Variants in ERG observed in about 807,000 individuals in gnomAD.
The protein encoded by ERG is ETS transcription factor ERG.
In ERG, 9 loss-of-function variants were observed where a neutral mutation model predicts 55.3. The ratio of observed to expected loss-of-function variants is 0.16; its 90% CI spans 0.10 to 0.28. The LOEUF (loss-of-function observed/expected upper bound fraction) is 0.28. Among genes scored for constraint, ERG ranks in the 10% least tolerant of loss-of-function variants. The probability of loss-of-function intolerance (pLI) is 1.00; values close to 1 mark genes in which losing one functional copy is unlikely to be tolerated. For synonymous variants in ERG, 223 were observed against 237.3 expected (o/e 0.94, Z 0.55); for missense variants, 434 against 631.6 (o/e 0.69, Z 3.35).
intron 2 of ERG, among the ~76,000 whole-genome samples, chr21:38,424,669 G>A (rs909625295): frequency 2.6e-5 from 4 of 152,198 alleles, no homozygotes; most frequent in Non-Finnish European, 4.4e-5. Flanking sequence ...CTGGAACGAC[G>A]TTCCTTCTCA....
intron 2 of ERG, among the ~76,000 whole-genome samples, chr21:38,566,376 C>T (rs919409491): frequency 1.3e-5 from 2 of 152,166 alleles, no homozygotes; most frequent in African/African-American, 2.4e-5. Context: ...AGTCCTACAA[C>T]GAGGATAATG....
intron 1 of ERG, among the ~76,000 whole-genome samples, chr21:38,622,561 C>T (rs567189546): frequency 5.4e-5 from 8 of 148,178 alleles, no homozygotes; most frequent in East Asian, 4.1e-4. Flanking sequence ...ATACACACCA[C>T]GCACACATGC....
chr21:38,454,771 C>T (rs1466943741), intron 1 of ERG, among the ~76,000 whole-genome samples: 1 of 152,216 alleles, frequency 6.6e-6, no homozygotes, highest in Non-Finnish European at 1.5e-5. Flanking sequence ...ATCACAGTCT[C>T]TTGTGTGCAA....
At chr21:38,495,992 T>C (rs1480234984) in intron 1 of ERG, among the ~76,000 whole-genome samples, 1 of 152,206 alleles carries the variant, frequency 6.6e-6, no homozygotes, top group Non-Finnish European at 1.5e-5. Flanking sequence ...TTACTAGAAC[T>C]CTTAAGCTGA....
chr21:38,381,996 A>G lies in ERG; in HGVS notation c.*1407T>C, dbSNP rs1278516614. 13 of 1,060,034 alleles carry G rather than the reference A, an allele frequency of 1.2e-5. No individual in the cohort carries two copies. Among genetic ancestry groups the G allele is most frequent in the Non-Finnish European group, 1.5e-5 (13 of 875,692 alleles). The allele number at this position is 1,060,034 out of a possible 1,614,324, so 65.7% of individuals were successfully genotyped here. ...TTTTCATTAAGCAACTTTAGTCACTAAAAAAAGTGCAAATGCAGACTCCTG... is the reference window on the plus strand; with the variant it reads ...TTTTCATTAAGCAACTTTAGTCACTGAAAAAAGTGCAAATGCAGACTCCTG... On this transcript the variant is annotated 3_prime_UTR_variant, in exon 10 of 10. Transcript: ENST00000288319.
intron 8 of ERG, 45 bp downstream of exon 8, chr21:38,391,614 C>T (rs16996241): frequency 3.0e-5 from 45 of 1,477,370 alleles, no homozygotes; most frequent in Non-Finnish European, 3.9e-5. Flanking sequence ...TGCTGCTGAG[C>T]CTGAATCTTC....
chr21:38,570,163 G>A (rs62217462), intron 2 of ERG, among the ~76,000 whole-genome samples: 23,507 of 152,136 alleles, frequency 0.15, 2,067 homozygotes, highest in Admixed American at 0.23. Context: ...TCATGCTCCT[G>A]CCAGCATGGA....
upstream of ERG, among the ~76,000 whole-genome samples, chr21:38,585,657 ATCTGT>A (rs2060059667): frequency 6.6e-6 from 1 of 150,498 alleles, no homozygotes; most frequent in Non-Finnish European, 1.5e-5. Flanking sequence ...TGTAAATGGC[ATCTGT>A]TTCCGTTGAA....
chr21:38,421,623 T>C (rs146487930), intron 3 of ERG, among the ~76,000 whole-genome samples: 27 of 152,258 alleles, frequency 1.8e-4, no homozygotes, highest in African/African-American at 6.5e-4. Context: ...CAAGGGAGAA[T>C]TGAGTTTGTG....
chr21:38,449,258 GT>G (rs895390481), intron 1 of ERG, among the ~76,000 whole-genome samples: 3 of 152,174 alleles, frequency 2.0e-5, no homozygotes, highest in African/African-American at 7.2e-5. Flanking sequence ...TGTGTGGGGT[GT>G]TTTTTTCTGT....
intron 1 of ERG, among the ~76,000 whole-genome samples, chr21:38,480,744 A>G (rs1270468246): frequency 6.6e-6 from 1 of 151,960 alleles, no homozygotes; most frequent in Non-Finnish European, 1.5e-5. Context: ...CTTTTCATGT[A>G]AACTCCTTTG....
chr21:38,582,217 G>C (rs950187512), intron 1 of ERG, among the ~76,000 whole-genome samples: 4 of 152,152 alleles, frequency 2.6e-5, no homozygotes, highest in African/African-American at 4.8e-5. Flanking sequence ...TAAAAGGGGG[G>C]TTGTGGGAAC....
chr21:38,401,224 G>T (rs573349121), intron 5 of ERG, among the ~76,000 whole-genome samples: 2 of 152,200 alleles, frequency 1.3e-5, no homozygotes, highest in South Asian at 4.1e-4. Flanking sequence ...GGTTTCTTCC[G>T]TGTTTAACAA....
At chr21:38,566,513 G>A (rs1218278497) in intron 2 of ERG, among the ~76,000 whole-genome samples, 1 of 152,138 alleles carries the variant, frequency 6.6e-6, no homozygotes, top group African/African-American at 2.4e-5. Flanking sequence ...CGATTCCTAA[G>A]TTAATTTCCT....
intron 6 of ERG, among the ~76,000 whole-genome samples, chr21:38,399,421 A>C (rs1988380505): frequency 6.6e-6 from 1 of 152,208 alleles, no homozygotes; most frequent in Non-Finnish European, 1.5e-5. Flanking sequence ...ATCTTGAACC[A>C]GTTCGAACTG....
chr21:38,479,258 T>G (rs959352647), intron 1 of ERG, among the ~76,000 whole-genome samples: 2 of 152,200 alleles, frequency 1.3e-5, no homozygotes, highest in Non-Finnish European at 2.9e-5. Context: ...AATCTTGCCA[T>G]CAGGACCTGG....
intron 1 of ERG, among the ~76,000 whole-genome samples, chr21:38,598,623 C>T (rs1366565126): frequency 6.6e-6 from 1 of 152,212 alleles, no homozygotes; most frequent in Non-Finnish European, 1.5e-5. Flanking sequence ...CCCGCACATC[C>T]ATGCACAACT....
intron 6 of ERG, among the ~76,000 whole-genome samples, chr21:38,398,273 T>A (rs1331340805): frequency 2.0e-5 from 3 of 152,078 alleles, no homozygotes; most frequent in Non-Finnish European, 4.4e-5. Context: ...CCTTTAAGGT[T>A]GATCGCTTAG....
chr21:38,569,876 CAT>C (rs577048419), intron 2 of ERG, among the ~76,000 whole-genome samples: 33 of 152,290 alleles, frequency 2.2e-4, no homozygotes, highest in South Asian at 4.1e-4. Context: ...TTTCTACTCA[CAT>C]ATGAGAACCA....
Sources: gnomAD v4.1 joint callset for allele counts (sites outside exome capture counted in the v4.1 genomes callset) on GRCh38, gnomAD v4.1.1 for gene constraint, MANE v1.5 for transcripts, NCBI Gene and HGNC (gene_info 2026-07-23, HGNC 2026-07-21) for gene names.